Variants in FBXO36 observed in about 807,000 individuals in gnomAD.
FBXO36 encodes the protein F-box protein 36, also known as F-box only protein 36.
FBXO36 carries 18 observed loss-of-function variants against 17.0 expected under a neutral mutation model. The observed-to-expected ratio is 1.06, with a 90% confidence interval of 0.73 to 1.57. The LOEUF (loss-of-function observed/expected upper bound fraction) is 1.57. Ranked by LOEUF, FBXO36 falls within the 40% of genes most tolerant of loss-of-function variation. The probability of loss-of-function intolerance (pLI) is 0.00; values close to 1 mark genes in which losing one functional copy is unlikely to be tolerated. For missense variants in FBXO36, 229 were observed against 221.9 expected, an observed-to-expected ratio of 1.03 and a Z score of -0.20; for synonymous variants, 83 against 85.3, an observed-to-expected ratio of 0.97 and a Z score of 0.15.
intron 1 of FBXO36, among the ~76,000 whole-genome samples, chr2:229,960,492 G>C (rs1051244788): frequency 6.6e-6 from 1 of 150,866 alleles, no homozygotes; most frequent in South Asian, 2.1e-4. Context: ...TTTTTTGGGC[G>C]GGGGGGCGGT....
chr2:229,998,172 T>A (rs759157208), intron 3 of FBXO36, among the ~76,000 whole-genome samples: 1 of 152,222 alleles, frequency 6.6e-6, no homozygotes, highest in Non-Finnish European at 1.5e-5. Flanking sequence ...AATGTCTTTA[T>A]TTTTAAAATT....
intron 3 of FBXO36, among the ~76,000 whole-genome samples, chr2:230,002,739 C>T (rs940018969): frequency 6.6e-5 from 10 of 152,152 alleles, no homozygotes; most frequent in African/African-American, 2.4e-4. Context: ...TATCCTTATC[C>T]AATCTCTCTT....
intron 1 of FBXO36, among the ~76,000 whole-genome samples, chr2:229,973,910 G>A (rs1037553395): frequency 2.0e-5 from 3 of 150,604 alleles, no homozygotes; most frequent in African/African-American, 7.4e-5. Context: ...TTAGCCTTGT[G>A]GTGGTGGCAC....
intron 1 of FBXO36, among the ~76,000 whole-genome samples, chr2:229,966,523 T>G (rs950234340): frequency 5.9e-5 from 9 of 152,228 alleles, no homozygotes; most frequent in Non-Finnish European, 8.8e-5. Context: ...GGTCTAACAT[T>G]TAAGTCTTTA....
intron 1 of FBXO36, chr2:229,932,766 T>TA: frequency 6.2e-6 from 1 of 161,358 alleles, no homozygotes; most frequent in South Asian, 1.4e-4. Flanking sequence ...TTTCTTTTCT[T>TA]ACAGAAAAAT....
chr2:229,924,716 C>T (rs890326994), intron 1 of FBXO36, among the ~76,000 whole-genome samples: 1 of 151,164 alleles, frequency 6.6e-6, no homozygotes, highest in Non-Finnish European at 1.5e-5. Flanking sequence ...TGTTGGTGTT[C>T]TTCAGACTTT....
chr2:229,934,282 TC>T (rs2076953605), intron 1 of FBXO36, among the ~76,000 whole-genome samples: 1 of 152,002 alleles, frequency 6.6e-6, no homozygotes, highest in African/African-American at 2.4e-5. Context: ...GAGCCTGTAG[TC>T]CCAGCTACTC....
chr2:229,952,156 C>T (rs2077060938), intron 1 of FBXO36, among the ~76,000 whole-genome samples: 2 of 151,984 alleles, frequency 1.3e-5, no homozygotes, highest in Admixed American at 6.6e-5. Context: ...CTATCATAAC[C>T]AGACTGCAGG....
chr2:230,008,974 G>A (rs554560196), intron 3 of FBXO36, among the ~76,000 whole-genome samples: 3 of 152,238 alleles, frequency 2.0e-5, no homozygotes, highest in South Asian at 2.1e-4. Flanking sequence ...TGATGTTTGC[G>A]CAGAAAGGAT....
At chr2:229,968,983 A>C (rs989395094) in intron 1 of FBXO36, among the ~76,000 whole-genome samples, 1 of 152,028 alleles carries the variant, frequency 6.6e-6, no homozygotes, top group African/African-American at 2.4e-5. Context: ...CATGTTGGCC[A>C]GGCTGGTCTC....
chr2:229,981,125 C>A (rs2077237172), intron 2 of FBXO36, among the ~76,000 whole-genome samples: 1 of 152,200 alleles, frequency 6.6e-6, no homozygotes, highest in Non-Finnish European at 1.5e-5. Context: ...CTCCTCCCCT[C>A]TGTGAGTCAG....
At chr2:230,003,205 G>A (rs1449200642) in intron 3 of FBXO36, among the ~76,000 whole-genome samples, 6 of 95,274 alleles carry the variant, frequency 6.3e-5, no homozygotes, top group Middle Eastern at 6.5e-3. Flanking sequence ...GCAAGACTCC[G>A]TCTTAAAAAA....
chr2:229,980,146 T>G (rs2077230496), intron 2 of FBXO36, among the ~76,000 whole-genome samples: 1 of 152,162 alleles, frequency 6.6e-6, no homozygotes, highest in Middle Eastern at 3.4e-3. Context: ...CTCCCAAGTT[T>G]AAGCAGTTCT....
chr2:229,975,838 A>G (rs1278133444), intron 1 of FBXO36, among the ~76,000 whole-genome samples: 1 of 143,910 alleles, frequency 6.9e-6, no homozygotes, highest in Non-Finnish European at 1.5e-5. Flanking sequence ...ATGGAGTTTC[A>G]CTCTTGTTAC....
rs2077127735 is a variant in FBXO36, at chr2:229,962,498, T to TTATTTTA, written c.97-13742_97-13741insATTTTAT. ...GGCATGCACCACCACACCTAGTTGA[T>TTATTTTA]TTTTATTTTATTTTATTTTATTTTA... is the stretch of plus-strand genomic sequence containing the variant. On this transcript the variant is annotated intron_variant, in intron 1 of 3. Transcript: ENST00000283946. Among the ~76,000 whole-genome samples the TTATTTTA allele has an allele frequency of 4.7e-5, 6 of 127,324 alleles. No individual in the cohort carries two copies. In the East Asian group the frequency reaches 1.2e-3, roughly 25 times the overall value. The allele number at this position is 127,324 out of a possible 152,430, so 83.5% of individuals were successfully genotyped here.
At chr2:229,997,207 C>T (rs1368961966) in intron 3 of FBXO36, among the ~76,000 whole-genome samples, 1 of 151,852 alleles carries the variant, frequency 6.6e-6, no homozygotes, top group African/African-American at 2.4e-5. Flanking sequence ...CCTGGCTTCA[C>T]AAAAGCAGGT....
At chr2:229,962,533 ATTTTATTTT>A (rs2077128463) in intron 1 of FBXO36, among the ~76,000 whole-genome samples, 1 of 149,080 alleles carries the variant, frequency 6.7e-6, no homozygotes, top group Non-Finnish European at 1.5e-5. Context: ...ATTTTATTTT[ATTTTATTTT>A]ATTTTATTGT....
chr2:229,942,402 A>C, intron 1 of FBXO36, among the ~76,000 whole-genome samples: 1 of 151,580 alleles, frequency 6.6e-6, no homozygotes, highest in South Asian at 2.1e-4. Context: ...GTGTGTCTTT[A>C]CCTACCCTGC....
chr2:229,958,616 AC>A (rs1436530264), intron 1 of FBXO36, among the ~76,000 whole-genome samples: 2 of 151,940 alleles, frequency 1.3e-5, no homozygotes, highest in African/African-American at 4.8e-5. Flanking sequence ...ATCTGCAGAC[AC>A]CTTGAGTGTT....
Sources: allele counts gnomAD v4.1 joint callset (sites outside exome capture counted in the v4.1 genomes callset), GRCh38; gene constraint gnomAD v4.1.1; transcripts MANE v1.5; gene names NCBI Gene and HGNC (gene_info 2026-07-23, HGNC 2026-07-21).